Variants in LHFPL3 observed in about 807,000 individuals in gnomAD.
LHFPL3 encodes the protein LHFPL tetraspan subfamily member 3.
LHFPL3 carries 5 observed loss-of-function variants against 19.3 expected under a neutral mutation model. The ratio of observed to expected loss-of-function variants is 0.26; its 90% CI spans 0.14 to 0.54. The LOEUF (loss-of-function observed/expected upper bound fraction) is 0.54. Ranked by LOEUF, LHFPL3 falls within the 20% of genes least tolerant of loss-of-function variation. The pLI, the probability that LHFPL3 is intolerant of heterozygous loss-of-function variation, is 0.94. For synonymous variants in LHFPL3, 133 were observed against 126.2 expected (o/e 1.05, Z -0.36); for missense variants, 249 against 307.4 (o/e 0.81, Z 1.42).
chr7:104,398,785 C>G (rs991382747), intron 1 of LHFPL3, among the ~76,000 whole-genome samples: 6 of 152,178 alleles, frequency 3.9e-5, no homozygotes, highest in Non-Finnish European at 7.3e-5. Flanking sequence ...TCTCACTCTT[C>G]TGTTCTTCGC....
At chr7:104,620,579 C>A (rs986021870) in intron 1 of LHFPL3, among the ~76,000 whole-genome samples, 15 of 152,138 alleles carry the variant, frequency 9.9e-5, no homozygotes, top group African/African-American at 2.9e-4. Context: ...TTTTTCGTTG[C>A]CTTATCTAGC....
chr7:104,387,817 G>C (rs1790979847), intron 1 of LHFPL3, among the ~76,000 whole-genome samples: 1 of 152,098 alleles, frequency 6.6e-6, no homozygotes, highest in Non-Finnish European at 1.5e-5. Context: ...TTTAGGTTCG[G>C]GGTACATGTG....
intron 2 of LHFPL3, among the ~76,000 whole-genome samples, chr7:104,818,481 C>T (rs1790610971): frequency 6.6e-6 from 1 of 151,394 alleles, no homozygotes; most frequent in South Asian, 2.1e-4. Context: ...GCGGAGGTTG[C>T]AGTGAGCAGA....
intron 1 of LHFPL3, among the ~76,000 whole-genome samples, chr7:104,576,670 TG>T (rs1177419594): frequency 6.6e-6 from 1 of 152,206 alleles, no homozygotes; most frequent in African/African-American, 2.4e-5. Flanking sequence ...TGTTTTGTTT[TG>T]TTTTTTGCCA....
At chr7:104,351,699 G>A (rs192206814) in intron 1 of LHFPL3, among the ~76,000 whole-genome samples, 2 of 152,250 alleles carry the variant, frequency 1.3e-5, no homozygotes, top group Non-Finnish European at 1.5e-5. Context: ...CTAAGTGTTT[G>A]AGCGAATTTA....
At chr7:104,786,702 G>GTGTGTGTT (rs1554344748) in intron 2 of LHFPL3, 1 of 151,478 alleles carries the variant, frequency 6.6e-6, no homozygotes, top group Non-Finnish European at 1.5e-5. Flanking sequence ...GTGTGTGTGT[G>GTGTGTGTT]TGTGTGTGTG....
chr7:104,397,238 G>A (rs1469385473), intron 1 of LHFPL3, among the ~76,000 whole-genome samples: 1 of 152,020 alleles, frequency 6.6e-6, no homozygotes, highest in Non-Finnish European at 1.5e-5. Flanking sequence ...AAAAGTTATA[G>A]GCTGTGATTT....
chr7:104,512,918 A>T (rs1247468288), intron 1 of LHFPL3, among the ~76,000 whole-genome samples: 2 of 152,276 alleles, frequency 1.3e-5, no homozygotes, highest in South Asian at 2.1e-4. Context: ...CTGTCAGTCC[A>T]GCTCTTGGCT....
chr7:104,523,983 T>C (rs756746938), intron 1 of LHFPL3, among the ~76,000 whole-genome samples: 10 of 152,210 alleles, frequency 6.6e-5, no homozygotes, highest in Non-Finnish European at 1.0e-4. Context: ...CGTCAATTAA[T>C]CTGTAAACAG....
In LHFPL3 at chr7:104,579,497, C is replaced by T. The variant is rs924912517; in HGVS notation, c.446-157178C>T. Among the ~76,000 whole-genome samples the T allele has an allele frequency of 5.9e-5, 9 of 152,274 alleles. No homozygotes were observed. In the South Asian group the frequency reaches 1.2e-3, roughly 21 times the overall value. The stretch of plus-strand genomic sequence containing the variant: ...CTGCAGCAAAGAATATGGTTTCATT[C>T]TTTTTTATGACTGCCTAGTAGTCCA... On this transcript the variant is annotated intron_variant, in intron 1 of 2. Transcript: ENST00000424859.
chr7:104,595,242 G>A (rs898662404), intron 1 of LHFPL3, among the ~76,000 whole-genome samples: 1 of 152,046 alleles, frequency 6.6e-6, no homozygotes, highest in Admixed American at 6.5e-5. Context: ...TGACCTTTTT[G>A]TTGATGTTGA....
chr7:104,498,634 C>T (rs1378854313), intron 1 of LHFPL3, among the ~76,000 whole-genome samples: 4 of 151,852 alleles, frequency 2.6e-5, no homozygotes, highest in Admixed American at 1.3e-4. Context: ...CCTGCCACCA[C>T]GCCCTGCTAA....
intron 1 of LHFPL3, among the ~76,000 whole-genome samples, chr7:104,421,710 C>T (rs537760920): frequency 2.0e-5 from 3 of 152,030 alleles, no homozygotes; most frequent in African/African-American, 7.3e-5. Context: ...GGTAATTTGC[C>T]AAGATATGGA....
intron 2 of LHFPL3, among the ~76,000 whole-genome samples, chr7:104,846,497 C>G (rs1472381323): frequency 1.3e-5 from 2 of 151,982 alleles, no homozygotes; most frequent in African/African-American, 4.8e-5. Flanking sequence ...AAACAGAATT[C>G]TAGAGCTGAT....
At chr7:104,677,921 C>G (rs1293716166) in intron 1 of LHFPL3, among the ~76,000 whole-genome samples, 1 of 152,168 alleles carries the variant, frequency 6.6e-6, no homozygotes, top group Admixed American at 6.5e-5. Context: ...GAACCACGTG[C>G]AGAAATGGCT....
rs115535568 is a variant in LHFPL3 at position 104,420,143 on chromosome 7, G to A, written c.445+90919G>A. Among the ~76,000 whole-genome samples, 322 of 152,316 alleles carry A rather than the reference G, an allele frequency of 2.1e-3. 1 individual carries two copies. The highest frequency in any genetic ancestry group is 7.3e-3 in the African/African-American group (304 of 41,564). On this transcript the variant is annotated intron_variant, in intron 1 of 2. Coordinates refer to ENST00000424859, the MANE Select transcript of LHFPL3 (RefSeq NM_199000.3). ...CAAGCCTTACTAGTCCACAACCAAAGCAGGGTGGAAGGCACTTTTCTGGGT... is the reference window on the plus strand; with the variant it reads ...CAAGCCTTACTAGTCCACAACCAAAACAGGGTGGAAGGCACTTTTCTGGGT...
At chr7:104,801,376 C>T (rs1790241885) in intron 2 of LHFPL3, among the ~76,000 whole-genome samples, 1 of 152,234 alleles carries the variant, frequency 6.6e-6, no homozygotes, top group East Asian at 1.9e-4. Flanking sequence ...AAGCTTTGCT[C>T]TGCACCCATA....
At chr7:104,582,837 G>A (rs905237201) in intron 1 of LHFPL3, among the ~76,000 whole-genome samples, 3 of 151,020 alleles carry the variant, frequency 2.0e-5, no homozygotes, top group Non-Finnish European at 4.4e-5. Flanking sequence ...GAATCAATTT[G>A]CTAATGTTTT....
intron 1 of LHFPL3, among the ~76,000 whole-genome samples, chr7:104,466,450 C>T (rs1792787186): frequency 6.6e-6 from 1 of 152,186 alleles, no homozygotes; most frequent in Admixed American, 6.5e-5. Flanking sequence ...AACTGTGTTA[C>T]CATACTTCAG....
Sources: gnomAD v4.1 joint callset for allele counts (sites outside exome capture counted in the v4.1 genomes callset) on GRCh38, gnomAD v4.1.1 for gene constraint, MANE v1.5 for transcripts, NCBI Gene and HGNC (gene_info 2026-07-23, HGNC 2026-07-21) for gene names.